LARS2: variants seen among roughly 807,000 people sequenced by gnomAD.
LARS2 encodes leucyl-tRNA synthetase 2, mitochondrial.
Under a neutral mutation model 116.6 loss-of-function variants are expected in LARS2, and 81 were observed. The observed-to-expected ratio is 0.69, with a 90% confidence interval of 0.58 to 0.84. The LOEUF is 0.84. LARS2 is among the 40% of genes least tolerant of loss of function. LARS2 has a pLI of 0.00. For synonymous variants in LARS2, 396 were observed against 407.2 expected (o/e 0.97, Z 0.33); for missense variants, 968 against 1,114.5 (o/e 0.87, Z 1.87).
chr3:45,516,030 G>A, intron 16 of LARS2, 64 bp from the exon 17 acceptor site: 1 of 1,325,070 alleles, frequency 7.5e-7, no homozygotes, highest in Non-Finnish European at 1.0e-6. Flanking sequence ...ACTTATTGAT[G>A]CTATTTCTAT....
At chr3:45,463,527 AG>A (rs1699369617) in intron 8 of LARS2, among the ~76,000 whole-genome samples, 1 of 152,034 alleles carries the variant, frequency 6.6e-6, no homozygotes, top group Non-Finnish European at 1.5e-5. Context: ...TAATCTTTTG[AG>A]GGTAGGTACT....
intron 4 of LARS2, among the ~76,000 whole-genome samples, chr3:45,410,402 T>C (rs1313580317): frequency 6.6e-6 from 1 of 152,010 alleles, no homozygotes; most frequent in African/African-American, 2.4e-5. Flanking sequence ...TTGTCATCTA[T>C]GGATCAAGCA....
chr3:45,515,867 T>G (rs1289697712), intron 16 of LARS2, among the ~76,000 whole-genome samples: 1 of 152,280 alleles, frequency 6.6e-6, no homozygotes, highest in East Asian at 1.9e-4. Flanking sequence ...ATAACTGTCC[T>G]GTTTATTCGC....
intron 11 of LARS2, 79 bp downstream of exon 11, chr3:45,485,875 T>TTCCAGATGACA: frequency 2.6e-6 from 2 of 780,772 alleles, no homozygotes; most frequent in Non-Finnish European, 4.3e-6. Flanking sequence ...TGCTGTCATC[T>TTCCAGATGACA]GGAAGAGCTG....
At chr3:45,391,314 T>C (rs1465688114) in intron 1 of LARS2, among the ~76,000 whole-genome samples, 1 of 151,806 alleles carries the variant, frequency 6.6e-6, no homozygotes, top group East Asian at 1.9e-4. Flanking sequence ...TGAAACGCCG[T>C]CTCTACTAAA....
chr3:45,513,120 G>A lies in LARS2; in HGVS notation c.1761-15G>A. ...CCCACTCCTCCTGTTTTCTTTTCCT[G>A]TCATCTTTCCTCAGGGAGCCTTTTC... is the stretch of plus-strand genomic sequence containing the variant. On this transcript the variant is annotated splice_polypyrimidine_tract_variant and intron_variant, in intron 15 of 21. Transcript: ENST00000645846. 1.3e-6 allele frequency: 2 copies of A among 1,571,812 alleles called. No individual in the cohort carries two copies. The highest frequency in any genetic ancestry group is 1.7e-4 in the Middle Eastern group (1 of 6,002).
At chr3:45,474,180 C>G (rs1388019055) in intron 8 of LARS2, 63 bp from the exon 9 acceptor site, 1 of 1,025,780 alleles carries the variant, frequency 9.7e-7, no homozygotes, top group Non-Finnish European at 1.5e-6. Context: ...AGCTGCAAAT[C>G]ATTTGCTTTT....
intron 6 of LARS2, among the ~76,000 whole-genome samples, chr3:45,422,643 TTC>T (rs1275994355): frequency 6.6e-6 from 1 of 152,200 alleles, no homozygotes; most frequent in Non-Finnish European, 1.5e-5. Context: ...ATACACCAAG[TTC>T]TGTTTGTGTT....
intron 7 of LARS2, among the ~76,000 whole-genome samples, chr3:45,449,534 T>A (rs1699078933): frequency 6.6e-6 from 1 of 152,172 alleles, no homozygotes; most frequent in Non-Finnish European, 1.5e-5. Context: ...AATTTATTCA[T>A]GAGAGCAGAG....
At chr3:45,487,778 G>GA (rs57888794) in intron 11 of LARS2, among the ~76,000 whole-genome samples, 120,613 of 150,974 alleles carry the variant, frequency 0.8, 52,315 homozygotes, top group East Asian at 0.98. Flanking sequence ...GGGGGGAAAA[G>GA]AAAAAAAAAC....
rs182806750 is a variant in LARS2 at position 45,472,043 on chromosome 3, C to T, written c.751-2200C>T. Among the ~76,000 whole-genome samples, 605 of 152,264 alleles carry T rather than the reference C, an allele frequency of 4.0e-3. 1 individual carries two copies. Among genetic ancestry groups the T allele is most frequent in the Middle Eastern group, 0.017 (5 of 294 alleles). ...TGGTTGCAAACAACATAAAGTTACTCTGATTAACTTAAGCCAAGGAGGAAT... is the reference window on the plus strand; with the variant it reads ...TGGTTGCAAACAACATAAAGTTACTTTGATTAACTTAAGCCAAGGAGGAAT... On this transcript the variant is annotated intron_variant, in intron 8 of 21. Transcript: ENST00000645846.
At chr3:45,463,608 C>T (rs755735577) in intron 8 of LARS2, among the ~76,000 whole-genome samples, 2 of 151,856 alleles carry the variant, frequency 1.3e-5, no homozygotes, top group Non-Finnish European at 2.9e-5. Flanking sequence ...CATGGGGATT[C>T]AAATCTGAGC....
intron 16 of LARS2, among the ~76,000 whole-genome samples, chr3:45,515,660 T>C (rs1390832928): frequency 6.6e-6 from 1 of 152,186 alleles, no homozygotes; most frequent in Non-Finnish European, 1.5e-5. Flanking sequence ...GAGTATGAGA[T>C]CATGTTTTGG....
intron 8 of LARS2, among the ~76,000 whole-genome samples, chr3:45,472,738 A>C (rs1207638835): frequency 6.6e-6 from 1 of 152,178 alleles, no homozygotes; most frequent in Non-Finnish European, 1.5e-5. Flanking sequence ...AGTCAGCTAC[A>C]TCTTGCTTCA....
chr3:45,412,544 G>C (rs577079585), intron 4 of LARS2, among the ~76,000 whole-genome samples: 6 of 152,284 alleles, frequency 3.9e-5, no homozygotes, highest in African/African-American at 1.4e-4. Context: ...GTTAAATTAA[G>C]CTTGTATTAC....
At chr3:45,436,666 C>T (rs1248505485) in intron 6 of LARS2, among the ~76,000 whole-genome samples, 1 of 151,690 alleles carries the variant, frequency 6.6e-6, no homozygotes, top group Non-Finnish European at 1.5e-5. Flanking sequence ...CGGTGGCGGG[C>T]GCCTGTAGTC....
chr3:45,413,085 T>A (rs1698359194), intron 4 of LARS2, among the ~76,000 whole-genome samples: 19 of 152,240 alleles, frequency 1.2e-4, no homozygotes, highest in Admixed American at 1.2e-3. Context: ...TGATTGGCCC[T>A]TTGAGCCTGT....
At chr3:45,479,405 G>A (rs752241360) in intron 10 of LARS2, among the ~76,000 whole-genome samples, 9 of 152,042 alleles carry the variant, frequency 5.9e-5, no homozygotes, top group Non-Finnish European at 1.0e-4. Context: ...AAGAGATGGC[G>A]AGGCCCCCAG....
intron 9 of LARS2, among the ~76,000 whole-genome samples, chr3:45,475,050 T>C (rs1205474837): frequency 6.6e-6 from 1 of 152,004 alleles, no homozygotes; most frequent in Non-Finnish European, 1.5e-5. Flanking sequence ...TCTATTGATA[T>C]TTTTTTTACC....
Sources: allele counts gnomAD v4.1 joint callset (sites outside exome capture counted in the v4.1 genomes callset), GRCh38; gene constraint gnomAD v4.1.1; transcripts MANE v1.5; gene names NCBI Gene and HGNC (gene_info 2026-07-23, HGNC 2026-07-21).